Variants in RPGRIP1 observed in about 807,000 individuals in gnomAD.
The protein encoded by RPGRIP1 is RPGR interacting protein 1.
RPGRIP1 carries 128 observed loss-of-function variants against 157.9 expected under a neutral mutation model. That is an observed-to-expected ratio of 0.81 (90% CI 0.70 to 0.94). The LOEUF is 0.94. RPGRIP1 is among the 40% of genes least tolerant of loss of function. RPGRIP1 has a pLI of 0.00. For synonymous variants in RPGRIP1, 554 were observed against 571.6 expected (o/e 0.97, Z 0.44); for missense variants, 1,486 against 1,545.8 (o/e 0.96, Z 0.65).
chr14:21,335,656 C>T (rs1213888774), intron 21 of RPGRIP1, among the ~76,000 whole-genome samples: 1 of 152,080 alleles, frequency 6.6e-6, no homozygotes, highest in Non-Finnish European at 1.5e-5. Flanking sequence ...CGGTGAAACC[C>T]CGTCTCTACT....
rs144609357 is a variant in RPGRIP1, at chr14:21,308,767, C to T, written c.906+931C>T. 8.3e-4 allele frequency among the ~76,000 whole-genome samples: 126 copies of T among 152,170 alleles called. 1 individual carries two copies. The highest frequency in any genetic ancestry group is 2.9e-3 in the African/African-American group (121 of 41,526). ...AGCAGAGAGGGGAGACCTCATGTGC[C>T]GGGAAAAGTGGCTGCTTATATGAGT... is the stretch of plus-strand genomic sequence containing the variant. On this transcript the variant is annotated intron_variant, in intron 7 of 24. Transcript: ENST00000400017.
intron 21 of RPGRIP1, among the ~76,000 whole-genome samples, chr14:21,337,395 A>C (rs111547089): frequency 0.027 from 4,115 of 151,130 alleles, 183 homozygotes; most frequent in African/African-American, 0.095. Flanking sequence ...TGATGATAAT[A>C]GTAGTCTCAT....
intron 6 of RPGRIP1, among the ~76,000 whole-genome samples, chr14:21,304,996 G>A (rs1881238141): frequency 6.6e-6 from 1 of 152,004 alleles, no homozygotes; most frequent in Non-Finnish European, 1.5e-5. Flanking sequence ...TAGAGACGGG[G>A]TTTCACCATG....
chr14:21,323,512 T>C (rs992193422), intron 14 of RPGRIP1, among the ~76,000 whole-genome samples: 5 of 152,176 alleles, frequency 3.3e-5, no homozygotes, highest in African/African-American at 1.2e-4. Flanking sequence ...AGATCACTGC[T>C]TCTACCTACG....
At chr14:21,294,286 A>G (rs1343836162) in intron 2 of RPGRIP1, among the ~76,000 whole-genome samples, 1 of 150,884 alleles carries the variant, frequency 6.6e-6, no homozygotes, top group East Asian at 2.0e-4. Flanking sequence ...GGTGGAGTAC[A>G]GTGGCACGAT....
intron 6 of RPGRIP1, 35 bp from the exon 7 acceptor site, chr14:21,307,696 G>A: frequency 3.1e-6 from 4 of 1,307,252 alleles, no homozygotes; most frequent in Non-Finnish European, 4.3e-6. Flanking sequence ...TTCTATCCAT[G>A]TTCAGACAGA....
rs113648729 is a variant in RPGRIP1, at chr14:21,348,048, A to G, written c.3618-124A>G. The G allele has an allele frequency of 1.6e-3, 1,329 of 805,570 alleles. 19 individuals carry two copies. In the African/African-American group the frequency reaches 0.022, roughly 13 times the overall value. The allele number at this position is 805,570 out of a possible 1,614,324, so 49.9% of individuals were successfully genotyped here. On this transcript the variant is annotated intron_variant, in intron 23 of 24. Transcript: ENST00000400017. ...TTTTTGCTTATTGTCATTTTGTAAA[A>G]TGGAGGCAAGGGAAAAGTGATTCAG...
rs546542781 is a variant in RPGRIP1, at chr14:21,328,759, C to T, written c.3099+132C>T. 721 of 661,806 alleles carry T rather than the reference C, an allele frequency of 1.1e-3. 5 individuals carry two copies. In the African/African-American group the frequency reaches 0.012, roughly 11 times the overall value. The allele number at this position is 661,806 out of a possible 1,614,324, so 41.0% of individuals were successfully genotyped here. ...ACTAATCGGCCGGGCATGGTGGCTT[C>T]GGCCTGTAATCCCAGCACTTTGGGC... On this transcript the variant is annotated intron_variant, in intron 19 of 24. Transcript: ENST00000400017.
chr14:21,317,243 G>T (rs534289822), intron 10 of RPGRIP1, among the ~76,000 whole-genome samples: 1 of 152,106 alleles, frequency 6.6e-6, no homozygotes, highest in African/African-American at 2.4e-5. Flanking sequence ...TTTAATTCCC[G>T]CCCTTCAGCA....
At chr14:21,297,834 A>AATTTATTGAGATTTAT (rs1555365053) in intron 3 of RPGRIP1, among the ~76,000 whole-genome samples, 1 of 133,216 alleles carries the variant, frequency 7.5e-6, no homozygotes, top group African/African-American at 3.1e-5. Flanking sequence ...TCAATAAATT[A>AATTTATTGAGATTTAT]TTCTTTCTTT....
intron 10 of RPGRIP1, among the ~76,000 whole-genome samples, chr14:21,313,295 A>T (rs1371359264): frequency 6.6e-6 from 1 of 151,832 alleles, no homozygotes; most frequent in East Asian, 1.9e-4. Flanking sequence ...TGCGCCTAGA[A>T]GTTCGAGACC....
chr14:21,294,644 A>C (rs1418177845), intron 2 of RPGRIP1, 33 bp from the exon 3 acceptor site: 1 of 1,608,166 alleles, frequency 6.2e-7, no homozygotes, highest in Admixed American at 1.7e-5. Flanking sequence ...AGGTGTAAAA[A>C]TACTGTCCAT....
intron 24 of RPGRIP1, among the ~76,000 whole-genome samples, chr14:21,349,534 C>T (rs1247954037): frequency 6.6e-6 from 1 of 151,302 alleles, no homozygotes; most frequent in African/African-American, 2.4e-5. Context: ...TCCCTAGTAG[C>T]TGGGATTACA....
rs1308989407 is a variant in RPGRIP1, at chr14:21,351,175, C to T, written c.3820C>T (p.His1274Tyr). ...TTCCCTTCAAGCAGCTGCTGTCCTC[C>T]ATGCTATTTACAAGGAGATGACTGA... ...KVSLQAAAVL[H>Y]AIYKEMTEDL... Residue 1274 changes from histidine to tyrosine, a missense_variant, in exon 25 of 25, where the codon CAT (histidine) becomes TAT (tyrosine). Coordinates refer to ENST00000400017, the MANE Select transcript of RPGRIP1 (RefSeq NM_020366.4). 3.1e-6 allele frequency: 5 copies of T among 1,612,116 alleles called. No homozygotes were observed. The highest frequency in any genetic ancestry group is 3.4e-6 in the Non-Finnish European group (4 of 1,178,942).
At chr14:21,286,314 C>G (rs1203866128) in intron 1 of RPGRIP1, among the ~76,000 whole-genome samples, 2 of 151,808 alleles carry the variant, frequency 1.3e-5, no homozygotes, top group Non-Finnish European at 2.9e-5. Context: ...AAGGAAGAAC[C>G]TGGAGAACAT....
intron 1 of RPGRIP1, among the ~76,000 whole-genome samples, chr14:21,287,591 G>A (rs766210864): frequency 6.6e-6 from 1 of 152,050 alleles, no homozygotes; most frequent in Non-Finnish European, 1.5e-5. Flanking sequence ...TGATTCCTGG[G>A]GAGTCAGTCC....
At chr14:21,341,784 G>A (rs1313555476) in intron 21 of RPGRIP1, among the ~76,000 whole-genome samples, 4 of 152,032 alleles carry the variant, frequency 2.6e-5, no homozygotes, top group Non-Finnish European at 4.4e-5. Context: ...GGCCAGGCGC[G>A]GCGGCTCACG....
At chr14:21,280,320 T>G (rs1364087030) in intron 1 of RPGRIP1, among the ~76,000 whole-genome samples, 161 bp downstream of exon 1, 2 of 146,840 alleles carry the variant, frequency 1.4e-5, no homozygotes, top group Admixed American at 1.4e-4. Flanking sequence ...CTCTGCTCAC[T>G]GCAACCTCTG....
rs939280097 is a variant in RPGRIP1, at chr14:21,351,278, A to G, written c.*62A>G. The G allele has an allele frequency of 3.0e-6, 3 of 989,038 alleles. No homozygotes were observed. The allele number at this position is 989,038 out of a possible 1,614,324, so 61.3% of individuals were successfully genotyped here. A position where few individuals can be genotyped will look rare whatever the true frequency, so the allele number is the denominator to read the frequency against. On this transcript the variant is annotated 3_prime_UTR_variant, in exon 25 of 25. Coordinates refer to ENST00000400017, the MANE Select transcript of RPGRIP1 (RefSeq NM_020366.4). ...GGAACCATAGTAAAAAGTCTCTTAT[A>G]AAGTTAGCTTGCTATAACATGAATT...
Sources: allele counts gnomAD v4.1 joint callset (sites outside exome capture counted in the v4.1 genomes callset), GRCh38; gene constraint gnomAD v4.1.1; transcripts MANE v1.5; gene names NCBI Gene and HGNC (gene_info 2026-07-23, HGNC 2026-07-21).